UTP25: variants seen among roughly 807,000 people sequenced by gnomAD.
The protein encoded by UTP25 is U3 small nucleolar RNA-associated protein 25 homolog.
UTP25 carries 50 observed loss-of-function variants against 78.9 expected under a neutral mutation model. The ratio of observed to expected loss-of-function variants is 0.63; its 90% CI spans 0.50 to 0.80. The LOEUF (loss-of-function observed/expected upper bound fraction) is 0.80, where lower values mean the gene tolerates loss of function less well. Among genes scored for constraint, UTP25 ranks in the 30% least tolerant of loss-of-function variants. The pLI, the probability that UTP25 is intolerant of heterozygous loss-of-function variation, is 0.00. For synonymous variants in UTP25, 329 were observed against 336.5 expected (o/e 0.98, Z 0.24); for missense variants, 846 against 911.3 (o/e 0.93, Z 0.92).
chr1:209,840,725 A>G (rs933575303), intron 7 of UTP25, 128 bp from the exon 8 acceptor site: 4 of 845,132 alleles, frequency 4.7e-6, no homozygotes, highest in Non-Finnish European at 5.9e-6. Context: ...GCAGTTGAGC[A>G]CAGTTACATG....
In UTP25 at chr1:209,833,369, A is replaced by G; in HGVS notation, c.562+11A>G. On this transcript the variant is annotated intron_variant, in intron 4 of 11. Coordinates refer to ENST00000491415, the MANE Select transcript of UTP25 (RefSeq NM_014388.7). The stretch of plus-strand genomic sequence containing the variant: ...TGAAAGCCTCTCAAGGTCATAGCAC[A>G]GTGTGTGTTATTTGAATTCACCAGG... 5 of 1,517,164 alleles carry G rather than the reference A, an allele frequency of 3.3e-6. No individual in the cohort carries two copies. Among genetic ancestry groups the G allele is most frequent in the Non-Finnish European group, 4.4e-6 (5 of 1,135,730 alleles). The allele number at this position is 1,517,164 out of a possible 1,614,324, so 94.0% of individuals were successfully genotyped here.
rs187470351 is a variant in UTP25, at chr1:209,837,343, A to G, written c.1062+132A>G. On this transcript the variant is annotated intron_variant, in intron 6 of 11. Coordinates refer to ENST00000491415, the MANE Select transcript of UTP25 (RefSeq NM_014388.7). Reference sequence around the variant, plus strand: ...ATAATGAATGAGCCCAAATGTGAGCATATTAAGTAGGCCAGGTAGTGTCAG... The same window carrying G: ...ATAATGAATGAGCCCAAATGTGAGCGTATTAAGTAGGCCAGGTAGTGTCAG... 5.7e-4 allele frequency: 616 copies of G among 1,077,198 alleles called. 2 individuals are homozygous for G. In the African/African-American group the frequency reaches 9.0e-3, roughly 16 times the overall value. 66.7% of individuals were successfully genotyped at this position (1,077,198 alleles called of 1,614,324 possible).
rs778032863 is a variant in UTP25, at chr1:209,830,857, C to G, written c.202C>G (p.Gln68Glu). ...AAGCGACTCAGAGAGTGAACCACAA[C>G]AAGTTTCTGGCTACCACAGACTACT... ...SESDSESEPQ[Q>E]VSGYHRLLAT... Residue 68 changes from glutamine to glutamate, a missense_variant, in exon 3 of 12, where the codon CAA becomes GAA. Transcript: ENST00000491415. 1.6e-5 allele frequency: 26 copies of G among 1,613,964 alleles called. No individual in the cohort carries two copies. The Middle Eastern group carries it at 2.1e-3, about 133-fold the overall frequency.
rs1424130091 is a variant in UTP25, at chr1:209,851,435, T to A, written c.2259T>A (p.Thr753=). The A allele has an allele frequency of 1.3e-5, 21 of 1,601,688 alleles. No individual in the cohort carries two copies. Among genetic ancestry groups the A allele is most frequent in the Non-Finnish European group, 1.8e-5 (21 of 1,174,222 alleles). ...ACAAGAATGTCCACCTCTTCATTAC[T>A]GGAGAAAAATGAAATTTTGTTGGGC... is the stretch of plus-strand genomic sequence containing the variant. ...QSNKNVHLFI[T]GEK Residue 753 remains threonine, a synonymous_variant, in exon 12 of 12, where the codon ACT becomes ACA. Coordinates refer to ENST00000491415, the MANE Select transcript of UTP25 (RefSeq NM_014388.7).
intron 1 of UTP25, among the ~76,000 whole-genome samples, chr1:209,829,434 A>G (rs1481075580): frequency 1.3e-5 from 2 of 151,502 alleles, no homozygotes; most frequent in Non-Finnish European, 2.9e-5. Context: ...TCATCCCACT[A>G]CTTTGGGCTG....
intron 8 of UTP25, among the ~76,000 whole-genome samples, 170 bp from the exon 9 acceptor site, chr1:209,842,095 G>C (rs1453938870): frequency 6.6e-6 from 1 of 152,150 alleles, no homozygotes. Flanking sequence ...TCCTCATTGG[G>C]GATGTTTGGC....
chr1:209,830,106 AG>A lies in UTP25; in HGVS notation c.109del. The A allele has an allele frequency of 6.2e-7, 1 of 1,611,832 alleles. No individual in the cohort carries two copies. The highest frequency in any genetic ancestry group is 8.5e-7 in the Non-Finnish European group (1 of 1,178,656). On this transcript the variant is annotated splice_acceptor_variant, in intron 1 of 11. Coordinates refer to ENST00000491415, the MANE Select transcript of UTP25 (RefSeq NM_014388.7). LOFTEE classifies it high-confidence loss of function. Reference sequence around the variant, plus strand: ...AATGTAACATTGCCTGTTTCTTTTTAGGGTTTCCAGAAAGGAAGCAAAGCCA... The same window carrying A: ...AATGTAACATTGCCTGTTTCTTTTTAGGTTTCCAGAAAGGAAGCAAAGCCA...
At chr1:209,844,835 A>G (rs751665546) in intron 11 of UTP25, among the ~76,000 whole-genome samples, 15 of 152,182 alleles carry the variant, frequency 9.9e-5, no homozygotes, top group Non-Finnish European at 2.1e-4. Flanking sequence ...GTTGCATAAT[A>G]TGTAAAAGGC....
At chr1:209,828,462 C>T (rs2078083000) in intron 1 of UTP25, among the ~76,000 whole-genome samples, 1 of 148,368 alleles carries the variant, frequency 6.7e-6, no homozygotes, top group African/African-American at 2.5e-5. Flanking sequence ...TGCAATGGCG[C>T]GATCTTGGCT....
Position 209,851,930 on chromosome 1 carries a change from C to G in UTP25, c.*483C>G, listed in dbSNP as rs1157636888. 6.5e-6 allele frequency: 1 copy of G among 153,784 alleles called. No individual in the cohort carries two copies. The highest frequency in any genetic ancestry group is 1.4e-5 in the Non-Finnish European group (1 of 69,096). 9.5% of individuals were successfully genotyped at this position (153,784 alleles called of 1,614,324 possible). A position where few individuals can be genotyped will look rare whatever the true frequency, so the allele number is the denominator to read the frequency against. On this transcript the variant is annotated 3_prime_UTR_variant, in exon 12 of 12. Transcript: ENST00000491415. ...ATGGGTTTTGTAAAACTTATTCTGC[C>G]CCAGCCAAACTTTTTTGAAACCTTA...
chr1:209,853,236 C>T lies in UTP25; in HGVS notation c.*1789C>T, dbSNP rs2078251180. ...AGAACTTTTTGTATCTATAGGCATG[C>T]CCTGTGGTTACTGGCGTAATTGTGC... On this transcript the variant is annotated 3_prime_UTR_variant, in exon 12 of 12. Coordinates refer to ENST00000491415, the MANE Select transcript of UTP25 (RefSeq NM_014388.7). The T allele has an allele frequency of 6.6e-6, 1 of 152,116 alleles. No homozygotes were observed. The highest frequency in any genetic ancestry group is 2.1e-4 in the South Asian group (1 of 4,832). 9.4% of individuals were successfully genotyped at this position (152,116 alleles called of 1,614,324 possible). A position where few individuals can be genotyped will look rare whatever the true frequency, so the allele number is the denominator to read the frequency against.
Position 209,833,218 on chromosome 1 carries a change from A to G in UTP25, c.422A>G (p.Glu141Gly), listed in dbSNP as rs1235513060. 3.1e-6 allele frequency: 5 copies of G among 1,614,028 alleles called. No homozygotes were observed. In the Admixed American group the frequency reaches 5.0e-5, roughly 16 times the overall value. ...VALSADPEGK[E>G]DGEEPPGTSQ... Reference sequence around the variant, plus strand: ...TTATCTGCTGACCCTGAGGGAAAAGAAGATGGGGAAGAGCCACCGGGCACA... The same window carrying G: ...TTATCTGCTGACCCTGAGGGAAAAGGAGATGGGGAAGAGCCACCGGGCACA... Residue 141 changes from glutamate (E) to glycine (G), a missense_variant, in exon 4 of 12, where the codon GAA becomes GGA. Transcript: ENST00000491415.
intron 11 of UTP25, among the ~76,000 whole-genome samples, chr1:209,845,391 G>T (rs3766615): frequency 0.15 from 22,854 of 152,194 alleles, 2,186 homozygotes; most frequent in Non-Finnish European, 0.2. Flanking sequence ...CTATCATCTT[G>T]ACAAATGAAA....
At chr1:209,840,649 A>G (rs1453394928) in intron 7 of UTP25, among the ~76,000 whole-genome samples, 1 of 152,234 alleles carries the variant, frequency 6.6e-6, no homozygotes, top group Admixed American at 6.5e-5. Flanking sequence ...AAGAGAAGGT[A>G]GAAGCTAGAA....
intron 1 of UTP25, among the ~76,000 whole-genome samples, chr1:209,828,946 G>T (rs1418023856): frequency 6.6e-6 from 1 of 151,604 alleles, no homozygotes; most frequent in East Asian, 1.9e-4. Flanking sequence ...TCAATTTTTT[G>T]TATTTTTAGT....
chr1:209,832,887 A>G (rs1007382441), intron 3 of UTP25, among the ~76,000 whole-genome samples: 4 of 152,168 alleles, frequency 2.6e-5, no homozygotes, highest in Admixed American at 6.5e-5. Context: ...CTGTCTCAAT[A>G]TATAAATAAA....
chr1:209,840,378 A>G (rs689210), intron 7 of UTP25, among the ~76,000 whole-genome samples: 1 of 152,026 alleles, frequency 6.6e-6, no homozygotes, highest in Non-Finnish European at 1.5e-5. Flanking sequence ...CAAAAGTGAG[A>G]GTTGAAGTCA....
intron 11 of UTP25, chr1:209,844,669 G>C (rs1027433178): frequency 2.6e-5 from 4 of 151,038 alleles, no homozygotes; most frequent in Non-Finnish European, 2.9e-5. Context: ...ACTCTAATTA[G>C]AGGGTTAGTA....
chr1:209,855,431 G>A lies in UTP25; in HGVS notation c.*3984G>A, dbSNP rs2078268804. The stretch of plus-strand genomic sequence containing the variant: ...TATTCCTATGGTAGATAAAGGGGAT[G>A]AGAAAGAACAGAGCTCCAGGCCTTT... On this transcript the variant is annotated 3_prime_UTR_variant, in exon 12 of 12. Transcript: ENST00000491415. 1 of 152,310 alleles carries A rather than the reference G, an allele frequency of 6.6e-6. No homozygotes were observed. Among genetic ancestry groups the A allele is most frequent in the African/African-American group, 2.4e-5 (1 of 41,456 alleles). 9.4% of individuals were successfully genotyped at this position (152,310 alleles called of 1,614,324 possible). A position where few individuals can be genotyped will look rare whatever the true frequency, so the allele number is the denominator to read the frequency against.
Sources: gnomAD v4.1 joint callset for allele counts (sites outside exome capture counted in the v4.1 genomes callset) on GRCh38, gnomAD v4.1.1 for gene constraint, MANE v1.5 for transcripts, NCBI Gene and HGNC (gene_info 2026-07-23, HGNC 2026-07-21) for gene names.